ABHD2: variants seen among roughly 807,000 people sequenced by gnomAD.
The protein encoded by ABHD2 is monoacylglycerol lipase ABHD2.
A neutral mutation model predicts 48.1 loss-of-function variants in ABHD2; 20 were observed. That is an observed-to-expected ratio of 0.42 (90% CI 0.29 to 0.60). The LOEUF (loss-of-function observed/expected upper bound fraction) is 0.60. Ranked by LOEUF, ABHD2 falls within the 20% of genes least tolerant of loss-of-function variation. The pLI is 0.24. For synonymous variants in ABHD2, 209 were observed against 214.2 expected (o/e 0.98, Z 0.21); for missense variants, 405 against 550.9 (o/e 0.74, Z 2.65).
chr15:89,175,941 A>T lies in ABHD2; in HGVS notation c.668A>T (p.Asn223Ile). 6.2e-7 allele frequency: 1 copy of T among 1,614,078 alleles called. No individual in the cohort carries two copies. The highest frequency in any genetic ancestry group is 8.5e-7 in the Non-Finnish European group (1 of 1,179,976). Residue 223 changes from asparagine (N) to isoleucine (I), a missense_variant, in exon 6 of 11, where the codon AAC becomes ATC. Coordinates refer to ENST00000352732, the MANE Select transcript of ABHD2 (RefSeq NM_152924.5). This position sits in a 1 kb window ranked among gnomAD's most constrained non-coding sequence, Gnocchi z 5.7. ...VCKYLGETQANQEKVLCCVSV... is the reference protein window; with the variant it reads ...VCKYLGETQAIQEKVLCCVSV... Reference sequence around the variant, plus strand: ...AAATACTTGGGGGAGACTCAGGCAAACCAAGAGAAGGTCCTGTGCTGCGTC... The same window carrying T: ...AAATACTTGGGGGAGACTCAGGCAATCCAAGAGAAGGTCCTGTGCTGCGTC...
chr15:89,152,315 G>A (rs922443177), intron 4 of ABHD2, among the ~76,000 whole-genome samples: 2 of 152,174 alleles, frequency 1.3e-5, no homozygotes, highest in East Asian at 3.9e-4. Context: ...TCCTGACCTC[G>A]TGATCTGCCT....
intron 1 of ABHD2, among the ~76,000 whole-genome samples, chr15:89,108,899 G>A (rs905627252): frequency 6.6e-6 from 1 of 152,184 alleles, no homozygotes; most frequent in African/African-American, 2.4e-5. Flanking sequence ...GCCGAGGACC[G>A]CAATTCTGTC....
intron 4 of ABHD2, among the ~76,000 whole-genome samples, chr15:89,152,432 G>A (rs573225875): frequency 3.9e-5 from 6 of 152,294 alleles, no homozygotes; most frequent in South Asian, 2.1e-4. Context: ...GTACGGGGAT[G>A]AGGGAGTGCT....
At chr15:89,110,364 A>T (rs1596072119) in intron 1 of ABHD2, among the ~76,000 whole-genome samples, 1 of 151,858 alleles carries the variant, frequency 6.6e-6, no homozygotes. Flanking sequence ...ACCCGGCCTT[A>T]TTGTCTTTTT....
chr15:89,127,185 C>A (rs2050142590), intron 3 of ABHD2, among the ~76,000 whole-genome samples: 1 of 150,768 alleles, frequency 6.6e-6, no homozygotes, highest in Non-Finnish European at 1.5e-5. Flanking sequence ...GGAAATGAGT[C>A]AGCCATTGTG....
At chr15:89,043,213 C>A in the ABHD2 span, among the ~76,000 whole-genome samples, 2,803 of 152,272 alleles carry the variant, frequency 0.018, 78 homozygotes, top group African/African-American at 0.064. Flanking sequence ...TGGCAGCCAA[C>A]CCTGCCTGAG....
chr15:89,067,440 C>T, the ABHD2 span, among the ~76,000 whole-genome samples: 1 of 152,160 alleles, frequency 6.6e-6, no homozygotes, highest in African/African-American at 2.4e-5. Context: ...CAAGTCTAGA[C>T]ACATTCCAGA....
chr15:89,191,832 T>A (rs1804965208), intron 9 of ABHD2, among the ~76,000 whole-genome samples: 1 of 152,160 alleles, frequency 6.6e-6, no homozygotes, highest in South Asian at 2.1e-4. Context: ...TTTCACCATG[T>A]TGGTCAGGCT....
intron 1 of ABHD2, among the ~76,000 whole-genome samples, chr15:89,101,433 G>T (rs1043673401): frequency 1.3e-5 from 2 of 152,132 alleles, no homozygotes; most frequent in Non-Finnish European, 2.9e-5. Flanking sequence ...TACTCATAAA[G>T]GCCTGTACCT....
rs1269797702 is a variant in ABHD2, at chr15:89,092,738, C to T, written c.-107+4175C>T. 6.6e-6 allele frequency among the ~76,000 whole-genome samples: 1 copy of T among 152,220 alleles called. No individual in the cohort carries two copies. The highest frequency in any genetic ancestry group is 1.5e-5 in the Non-Finnish European group (1 of 68,040). ...CCCTTTTTGCAGAAATGGTAGCACA[C>T]TGCATACATGCTATTTGGAACCTTG... On this transcript the variant is annotated intron_variant, in intron 1 of 10. Coordinates refer to ENST00000352732, the MANE Select transcript of ABHD2 (RefSeq NM_152924.5). The surrounding 1 kb of genome is among the most constrained non-coding windows in gnomAD (Gnocchi z 4.4).
chr15:89,076,236 A>G, the ABHD2 span, among the ~76,000 whole-genome samples: 2 of 152,302 alleles, frequency 1.3e-5, no homozygotes, highest in East Asian at 3.9e-4. Context: ...AAACAAATAG[A>G]CAAAGTACAG....
At chr15:89,048,114 C>A in the ABHD2 span, among the ~76,000 whole-genome samples, 1 of 151,654 alleles carries the variant, frequency 6.6e-6, no homozygotes, top group Non-Finnish European at 1.5e-5. Context: ...AATCTCTCAG[C>A]ATTTGCTTGT....
intron 3 of ABHD2, among the ~76,000 whole-genome samples, chr15:89,144,937 A>G (rs998644344): frequency 1.3e-5 from 2 of 152,224 alleles, no homozygotes; most frequent in African/African-American, 4.8e-5. Context: ...TAGAAACTCT[A>G]CTTTCCTAGA....
chr15:89,195,430 C>G lies in ABHD2; in HGVS notation c.*7C>G, dbSNP rs754972690. 1.5e-4 allele frequency: 235 copies of G among 1,612,026 alleles called. No individual in the cohort carries two copies. Among genetic ancestry groups the G allele is most frequent in the Non-Finnish European group, 1.9e-4 (220 of 1,179,338 alleles). ...GGAGGCCGACCTGGAGTGAGGCCTCCGGACTCTGGCACGCTCCAGCAGCCC... is the reference window on the plus strand; with the variant it reads ...GGAGGCCGACCTGGAGTGAGGCCTCGGGACTCTGGCACGCTCCAGCAGCCC... On this transcript the variant is annotated 3_prime_UTR_variant, in exon 11 of 11. Transcript: ENST00000352732. This position sits in a 1 kb window ranked among gnomAD's most constrained non-coding sequence, Gnocchi z 5.1.
Position 89,151,891 on chromosome 15 carries a change from G to C in ABHD2, c.370+39G>C, listed in dbSNP as rs1230535577. 1 of 1,603,464 alleles carries C rather than the reference G, an allele frequency of 6.2e-7. No individual in the cohort carries two copies. The highest frequency in any genetic ancestry group is 1.7e-5 in the Admixed American group (1 of 59,558). On this transcript the variant is annotated intron_variant, in intron 4 of 10. Coordinates refer to ENST00000352732, the MANE Select transcript of ABHD2 (RefSeq NM_152924.5). The surrounding 1 kb of genome is among the most constrained non-coding windows in gnomAD (Gnocchi z 4.7). ...GATTGTGTGATTGAGCCATCACTCAGAGAAGGAGCACTAGTCAGTGGAGAG... is the reference window on the plus strand; with the variant it reads ...GATTGTGTGATTGAGCCATCACTCACAGAAGGAGCACTAGTCAGTGGAGAG...
At chr15:89,084,835 A>T (rs1901328164), upstream of ABHD2, among the ~76,000 whole-genome samples, 1 of 152,190 alleles carries the variant, frequency 6.6e-6, no homozygotes, top group East Asian at 1.9e-4. The surrounding 1 kb of genome is among the most constrained non-coding windows in gnomAD (Gnocchi z 4.4). Flanking sequence ...GGACCCCATG[A>T]GACAAGCACT....
chr15:89,172,938 C>T (rs1040636843), intron 5 of ABHD2, among the ~76,000 whole-genome samples: 6 of 152,146 alleles, frequency 3.9e-5, no homozygotes, highest in African/African-American at 7.2e-5. Flanking sequence ...TCCCTGTATA[C>T]GGGGGTTACT....
At position 89,156,115 on chromosome 15, in the gene ABHD2, CTTTTTTTTT is replaced by C. The variant is rs1185978751; in HGVS notation, c.538+596_538+604del. 9.5e-4 allele frequency among the ~76,000 whole-genome samples: 81 copies of C among 85,656 alleles called. 1 individual carries two copies. The highest frequency in any genetic ancestry group is 3.4e-3 in the African/African-American group (73 of 21,404). 56.2% of individuals were successfully genotyped at this position (85,656 alleles called of 152,430 possible). On this transcript the variant is annotated intron_variant, in intron 5 of 10. Transcript: ENST00000352732. The stretch of plus-strand genomic sequence containing the variant: ...TTCTCTAGTAATTAATTTTTATTGT[CTTTTTTTTT>C]TTTTTTTTTTTTTTGAGACAGAGTC...
rs2049683055 is a variant in ABHD2 at position 89,100,420 on chromosome 15, A to C, written c.-107+11857A>C. ...CCCACTTGCCCGAAGCCACACAACT[A>C]GTAAGTAGTGTAGCTGCAGTTCAGG... On this transcript the variant is annotated intron_variant, in intron 1 of 10. Coordinates refer to ENST00000352732, the MANE Select transcript of ABHD2 (RefSeq NM_152924.5). This position sits in a 1 kb window ranked among gnomAD's most constrained non-coding sequence, Gnocchi z 4.4. Among the ~76,000 whole-genome samples, 1 of 152,046 alleles carries C rather than the reference A, an allele frequency of 6.6e-6. No individual in the cohort carries two copies. The highest frequency in any genetic ancestry group is 2.4e-5 in the African/African-American group (1 of 41,390).
Sources: gnomAD v4.1 joint callset for allele counts (sites outside exome capture counted in the v4.1 genomes callset) on GRCh38, gnomAD v4.1.1 for gene constraint, Gnocchi (gnomAD v3.1) non-coding constraint, MANE v1.5 for transcripts, NCBI Gene and HGNC (gene_info 2026-07-23, HGNC 2026-07-21) for gene names.